IST1: variants seen among roughly 807,000 people sequenced by gnomAD.
IST1 encodes the protein IST1 factor associated with ESCRT-III.
Under a neutral mutation model 37.0 loss-of-function variants are expected in IST1, and 23 were observed. That is an observed-to-expected ratio of 0.62 (90% CI 0.45 to 0.88). The LOEUF (loss-of-function observed/expected upper bound fraction) is 0.88. Among genes scored for constraint, IST1 ranks in the 40% least tolerant of loss-of-function variants. IST1 has a pLI of 0.00. For synonymous variants in IST1, 180 were observed against 161.7 expected (o/e 1.11, Z -0.86); for missense variants, 488 against 445.4 (o/e 1.10, Z -0.86).
At chr16:71,910,200 G>C (rs1322014268) in intron 1 of IST1, among the ~76,000 whole-genome samples, 1 of 152,022 alleles carries the variant, frequency 6.6e-6, no homozygotes, top group Non-Finnish European at 1.5e-5. Context: ...ATGAAATCTC[G>C]TGCCATCCTG....
Position 71,930,332 on chromosome 16 carries a change from A to T in IST1, c.*2519A>T. ...GAGAGTCAAAAGATAATAAGAAGGA[A>T]AATACTTTTAAATGGACAGAAGAGC... On this transcript the variant is annotated 3_prime_UTR_variant, in exon 10 of 10. Transcript: ENST00000378799. 1.4e-6 allele frequency: 1 copy of T among 696,112 alleles called. No homozygotes were observed. Among genetic ancestry groups the T allele is most frequent in the Non-Finnish European group, 2.2e-6 (1 of 462,330 alleles). 43.1% of individuals were successfully genotyped at this position (696,112 alleles called of 1,614,324 possible).
At chr16:71,908,860 A>G (rs1365503851) in intron 1 of IST1, among the ~76,000 whole-genome samples, 2 of 152,006 alleles carry the variant, frequency 1.3e-5, no homozygotes, top group South Asian at 2.1e-4. Context: ...TGGTACTTCA[A>G]ATTGTGGTCT....
Position 71,930,319 on chromosome 16 carries a change from A to T in IST1, c.*2506A>T. On this transcript the variant is annotated 3_prime_UTR_variant, in exon 10 of 10. Transcript: ENST00000378799. ...GGAAACTTAGGGAGAGAGTCAAAAGATAATAAGAAGGAAAATACTTTTAAA... is the reference window on the plus strand; with the variant it reads ...GGAAACTTAGGGAGAGAGTCAAAAGTTAATAAGAAGGAAAATACTTTTAAA... 1.2e-6 allele frequency: 1 copy of T among 867,028 alleles called. No individual in the cohort carries two copies. The highest frequency in any genetic ancestry group is 1.6e-6 in the Non-Finnish European group (1 of 611,632). 53.7% of individuals were successfully genotyped at this position (867,028 alleles called of 1,614,324 possible).
At chr16:71,910,605 CAAA>C (rs200536197) in intron 1 of IST1, among the ~76,000 whole-genome samples, 2 of 91,192 alleles carry the variant, frequency 2.2e-5, no homozygotes, top group South Asian at 3.4e-4. Flanking sequence ...GACTCTGTCT[CAAA>C]AAAAAAAAAA....
Position 71,930,384 on chromosome 16 carries a change from A to T in IST1, c.*2571A>T, listed in dbSNP as rs556224342. 4.1e-5 allele frequency: 18 copies of T among 434,176 alleles called. No homozygotes were observed. The South Asian group carries it at 1.8e-3, about 42-fold the overall frequency. The allele number at this position is 434,176 out of a possible 1,614,324, so 26.9% of individuals were successfully genotyped here. On this transcript the variant is annotated 3_prime_UTR_variant, in exon 10 of 10. Transcript: ENST00000378799. ...GGAATGACTCATTTTAAGGAGGTTA[A>T]GATAATTGTGACTGCAGGGCTTTCA...
chr16:71,908,898 T>G (rs903595331), intron 1 of IST1, among the ~76,000 whole-genome samples: 1 of 152,136 alleles, frequency 6.6e-6, no homozygotes, highest in Non-Finnish European at 1.5e-5. Flanking sequence ...TTATTTTTCA[T>G]AGTTCTCAGA....
chr16:71,913,172 G>T (rs1745657492), intron 1 of IST1, among the ~76,000 whole-genome samples: 1 of 152,070 alleles, frequency 6.6e-6, no homozygotes, highest in Admixed American at 6.6e-5. Context: ...TAATTTTTGA[G>T]GAACCGCCAT....
intron 1 of IST1, among the ~76,000 whole-genome samples, chr16:71,898,743 C>G (rs1426296277): frequency 6.6e-6 from 1 of 151,206 alleles, no homozygotes; most frequent in Non-Finnish European, 1.5e-5. Flanking sequence ...CTTTGGGAGG[C>G]CAAGGCGGGC....
intron 1 of IST1, among the ~76,000 whole-genome samples, chr16:71,908,867 GTCT>G (rs1157922134): frequency 1.3e-5 from 2 of 152,054 alleles, no homozygotes; most frequent in Non-Finnish European, 2.9e-5. Flanking sequence ...TCAAATTGTG[GTCT>G]TCTTCATCCA....
intron 5 of IST1, 120 bp from the exon 6 acceptor site, chr16:71,921,223 C>T (rs957910743): frequency 3.0e-6 from 2 of 670,388 alleles, no homozygotes; most frequent in East Asian, 2.7e-5. Context: ...TTTAACTGCT[C>T]TGAACCTTTT....
At chr16:71,916,138 C>T (rs754518427) in intron 2 of IST1, among the ~76,000 whole-genome samples, 19 of 152,118 alleles carry the variant, frequency 1.2e-4, no homozygotes, top group Admixed American at 5.2e-4. Flanking sequence ...GCCCTGGGAT[C>T]ATATCTTTTA....
intron 1 of IST1, among the ~76,000 whole-genome samples, chr16:71,899,194 A>G (rs1433246581): frequency 1.3e-5 from 2 of 152,046 alleles, no homozygotes; most frequent in Non-Finnish European, 2.9e-5. Flanking sequence ...TTTTTAAATT[A>G]ATTTTCAGTC....
At position 71,927,882 on chromosome 16, in the gene IST1, A is replaced by ATCTC. The variant is rs1309377270; in HGVS notation, c.*70_*73dup. On this transcript the variant is annotated 3_prime_UTR_variant, in exon 10 of 10. Coordinates refer to ENST00000378799, the MANE Select transcript of IST1 (RefSeq NM_001270975.2). The stretch of plus-strand genomic sequence containing the variant: ...GAGCAATTTCTCCTTGTAACAAAGA[A>ATCTC]TCTCCATGAAATTCTGTTTCATCTG... 1 of 1,094,244 alleles carries ATCTC rather than the reference A, an allele frequency of 9.1e-7. No individual in the cohort carries two copies. Among genetic ancestry groups the ATCTC allele is most frequent in the Admixed American group, 1.7e-5 (1 of 57,186 alleles). 67.8% of individuals were successfully genotyped at this position (1,094,244 alleles called of 1,614,324 possible).
chr16:71,920,269 G>A (rs1426394968), intron 4 of IST1, among the ~76,000 whole-genome samples: 1 of 152,238 alleles, frequency 6.6e-6, no homozygotes, highest in Non-Finnish European at 1.5e-5. Context: ...CTTGGTTAAA[G>A]TACAAGGACA....
intron 1 of IST1, among the ~76,000 whole-genome samples, chr16:71,908,762 G>A (rs2037284843): frequency 6.6e-6 from 1 of 152,168 alleles, no homozygotes; most frequent in Non-Finnish European, 1.5e-5. Flanking sequence ...CTTTCTCTCT[G>A]CTGATGCTCA....
In IST1 at chr16:71,912,546, C is replaced by A. The variant is rs552170933; in HGVS notation, c.-15-3080C>A. Reference sequence around the variant, plus strand: ...GCCACCGCGCCCGGCCTAAAATATTCTTTTATGTTTATCCTATGTTAATAG... The same window carrying A: ...GCCACCGCGCCCGGCCTAAAATATTATTTTATGTTTATCCTATGTTAATAG... On this transcript the variant is annotated intron_variant, in intron 1 of 9. Transcript: ENST00000378799. Among the ~76,000 whole-genome samples the A allele has an allele frequency of 5.3e-5, 8 of 152,242 alleles. No individual in the cohort carries two copies. The South Asian group carries it at 1.7e-3, about 32-fold the overall frequency.
chr16:71,902,459 G>A (rs775940414), intron 1 of IST1, among the ~76,000 whole-genome samples: 4 of 152,008 alleles, frequency 2.6e-5, no homozygotes, highest in Non-Finnish European at 5.9e-5. Context: ...TAGTAGAGAT[G>A]GGGTTTCACC....
Position 71,917,040 on chromosome 16 carries a change from T to C in IST1, c.270-7T>C. The C allele has an allele frequency of 1.9e-6, 3 of 1,580,758 alleles. No homozygotes were observed. The highest frequency in any genetic ancestry group is 2.7e-5 in the African/African-American group (2 of 73,580). The stretch of plus-strand genomic sequence containing the variant: ...AGAATGTTATATTAATTTTTTTCCT[T>C]GATTAGGGAACTAGATTCTGGTCTG... On this transcript the variant is annotated splice_region_variant and splice_polypyrimidine_tract_variant and intron_variant, in intron 3 of 9. Transcript: ENST00000378799.
chr16:71,922,421 G>A (rs963356914), intron 6 of IST1, 53 bp from the exon 7 acceptor site: 7 of 1,487,162 alleles, frequency 4.7e-6, no homozygotes, highest in South Asian at 2.3e-5. Flanking sequence ...CGCTTTCTGG[G>A]GAACCTGGCC....
Sources: gnomAD v4.1 joint callset for allele counts (sites outside exome capture counted in the v4.1 genomes callset) on GRCh38, gnomAD v4.1.1 for gene constraint, MANE v1.5 for transcripts, NCBI Gene and HGNC (gene_info 2026-07-23, HGNC 2026-07-21) for gene names.